Variants in CPD observed in about 807,000 individuals in gnomAD.
The protein encoded by CPD is carboxypeptidase D.
In CPD, 69 loss-of-function variants were observed where a neutral mutation model predicts 138.3. That is an observed-to-expected ratio of 0.50 (90% confidence interval 0.41 to 0.61). The LOEUF (loss-of-function observed/expected upper bound fraction) is 0.61, where lower values mean the gene tolerates loss of function less well. Among genes scored for constraint, CPD ranks in the 20% least tolerant of loss-of-function variants. The pLI is 0.00. For missense variants in CPD, 1,432 were observed against 1,733.3 expected, an observed-to-expected ratio of 0.83 and a Z score of 3.09; for synonymous variants, 651 against 642.1, an observed-to-expected ratio of 1.01 and a Z score of -0.21.
chr17:30,390,142 G>T (rs191056771), intron 2 of CPD, among the ~76,000 whole-genome samples: 151 of 151,796 alleles, frequency 9.9e-4, no homozygotes, highest in African/African-American at 3.5e-3. Context: ...TCAGCCTCTT[G>T]AGCAGCTGGG....
In CPD at chr17:30,423,652, C is replaced by T. The variant is rs766621438; in HGVS notation, c.1804C>T (p.Leu602Phe). The stretch of plus-strand genomic sequence containing the variant: ...TTTGGTTCATAACACTAGAATTCAC[C>T]TTATGCCATCCATGAATCCTGATGG... Reference protein sequence around the residue: ...TDLVHNTRIHLMPSMNPDGYE... With the variant: ...TDLVHNTRIHFMPSMNPDGYE... The change falls in exon 6 of 21, where the codon CTT (leucine) becomes TTT (phenylalanine). Residue 602 changes from leucine to phenylalanine, a missense_variant. Transcript: ENST00000225719. 5.0e-6 allele frequency: 8 copies of T among 1,607,262 alleles called. No individual in the cohort carries two copies. The Admixed American group carries it at 8.5e-5, about 17-fold the overall frequency.
In CPD at chr17:30,461,197, T is replaced by C; in HGVS notation, c.3516T>C (p.Tyr1172=). ...TATTCTAGGATTATAGTGTCACCTA[T>C]GGCCATTGTCCGGAAATCACAGTAT... is the stretch of plus-strand genomic sequence containing the variant. ...LGSMKDYSVT[Y]GHCPEITVYT... The change falls in exon 18 of 21, where the codon TAT becomes TAC. Residue 1172 remains tyrosine (Y), a synonymous_variant. Coordinates refer to ENST00000225719, the MANE Select transcript of CPD (RefSeq NM_001304.5). 1 of 1,602,800 alleles carries C rather than the reference T, an allele frequency of 6.2e-7. No individual in the cohort carries two copies. Among genetic ancestry groups the C allele is most frequent in the South Asian group, 1.1e-5 (1 of 88,626 alleles).
intron 2 of CPD, among the ~76,000 whole-genome samples, chr17:30,418,769 A>G (rs1012333679): frequency 2.6e-5 from 4 of 152,194 alleles, no homozygotes; most frequent in African/African-American, 4.8e-5. Context: ...ATGGATGAAC[A>G]TGAATATAAT....
chr17:30,446,047 T>A (rs1278473024), intron 12 of CPD, 27 bp downstream of exon 12: 1 of 1,526,920 alleles, frequency 6.5e-7, no homozygotes, highest in South Asian at 1.2e-5. Context: ...ATTGTCTTTT[T>A]TTTTTTTTCA....
chr17:30,404,132 A>G (rs1345231866), intron 2 of CPD, among the ~76,000 whole-genome samples: 1 of 152,118 alleles, frequency 6.6e-6, no homozygotes, highest in African/African-American at 2.4e-5. Context: ...AATGTTCTGT[A>G]TTTTTATTGT....
chr17:30,414,569 C>A (rs973306745), intron 2 of CPD, among the ~76,000 whole-genome samples: 3 of 146,404 alleles, frequency 2.0e-5, no homozygotes, highest in Non-Finnish European at 4.5e-5. Context: ...GGTAACAGAG[C>A]GAGACTGTCT....
intron 7 of CPD, among the ~76,000 whole-genome samples, chr17:30,431,454 T>G (rs1006276678): frequency 6.6e-6 from 1 of 152,200 alleles, no homozygotes; most frequent in African/African-American, 2.4e-5. Context: ...TTGATTTTGA[T>G]GGAATCCCGT....
intron 1 of CPD, among the ~76,000 whole-genome samples, chr17:30,382,512 T>C (rs1484876365): frequency 2.6e-5 from 4 of 152,216 alleles, no homozygotes; most frequent in African/African-American, 9.6e-5. Flanking sequence ...CTTACAGCCA[T>C]TGTAGTCACT....
rs1911014239 is a variant in CPD at position 30,380,612 on chromosome 17, A to T, written c.746+886A>T. On this transcript the variant is annotated intron_variant, in intron 1 of 20. Coordinates refer to ENST00000225719, the MANE Select transcript of CPD (RefSeq NM_001304.5). The stretch of plus-strand genomic sequence containing the variant: ...AAGGAGGACCTCAAGAAATTAGTAT[A>T]AAACAAGAGAATGTTATAAATATTT... 3 of 1,515,242 alleles carry T rather than the reference A, an allele frequency of 2.0e-6. No homozygotes were observed. In the East Asian group the frequency reaches 7.4e-5, roughly 37 times the overall value. The allele number at this position is 1,515,242 out of a possible 1,614,324, so 93.9% of individuals were successfully genotyped here.
rs761965041 is a variant in CPD at position 30,469,647 on chromosome 17, GAA to G, written c.*4835_*4836del. 21 of 152,044 alleles carry G rather than the reference GAA, an allele frequency of 1.4e-4. No individual in the cohort carries two copies. Among genetic ancestry groups the G allele is most frequent in the Admixed American group, 6.5e-5 (1 of 15,272 alleles). 9.4% of individuals were successfully genotyped at this position (152,044 alleles called of 1,614,324 possible). On this transcript the variant is annotated 3_prime_UTR_variant, in exon 21 of 21. Transcript: ENST00000225719. ...AAATTCTGAGACACAAATAAAAAAAGAAATTTTTTATTATGTGGTTCAATAGA... is the reference window on the plus strand; with the variant it reads ...AAATTCTGAGACACAAATAAAAAAAGATTTTTTATTATGTGGTTCAATAGA...
At chr17:30,390,530 T>TG (rs1430097766) in intron 2 of CPD, among the ~76,000 whole-genome samples, 2 of 152,178 alleles carry the variant, frequency 1.3e-5, no homozygotes, top group Non-Finnish European at 2.9e-5. Context: ...CTGTATTAGG[T>TG]GATGTACCGG....
chr17:30,465,008 TA>T lies in CPD; in HGVS notation c.*203del, dbSNP rs908139494. 108 of 527,222 alleles carry T rather than the reference TA, an allele frequency of 2.0e-4. No homozygotes were observed. Among genetic ancestry groups the T allele is most frequent in the African/African-American group, 5.6e-4 (29 of 52,060 alleles). 32.7% of individuals were successfully genotyped at this position (527,222 alleles called of 1,614,324 possible). ...CCTTCCTTAAAGTACTCTAAACCTT[TA>T]AAAAAAAATCTGATTTATGCAGCAG... On this transcript the variant is annotated 3_prime_UTR_variant, in exon 21 of 21. Coordinates refer to ENST00000225719, the MANE Select transcript of CPD (RefSeq NM_001304.5).
At chr17:30,398,551 T>A (rs1317693413) in intron 2 of CPD, among the ~76,000 whole-genome samples, 1 of 152,092 alleles carries the variant, frequency 6.6e-6, no homozygotes, top group Non-Finnish European at 1.5e-5. Flanking sequence ...TATCTACAGA[T>A]CAGTGGCTGC....
intron 7 of CPD, 89 bp downstream of exon 7, chr17:30,427,647 T>C: frequency 8.4e-7 from 1 of 1,188,452 alleles, no homozygotes; most frequent in Non-Finnish European, 1.2e-6. Flanking sequence ...GTGTTATGCT[T>C]TCTTAAAATG....
Position 30,379,580 on chromosome 17 carries a change from C to T in CPD, c.600C>T (p.Gly200=). 1 of 1,510,412 alleles carries T rather than the reference C, an allele frequency of 6.6e-7. No homozygotes were observed. The allele number at this position is 1,510,412 out of a possible 1,614,324, so 93.6% of individuals were successfully genotyped here. A position where few individuals can be genotyped will look rare whatever the true frequency, so the allele number is the denominator to read the frequency against. The part of the protein sequence containing the change: ...AREGDCGFGD[G]GPSGASGRDN... Reference sequence around the variant, plus strand: ...AGGGCGACTGTGGCTTCGGCGACGGCGGCCCGTCCGGGGCCAGCGGCCGCG... The same window carrying T: ...AGGGCGACTGTGGCTTCGGCGACGGTGGCCCGTCCGGGGCCAGCGGCCGCG... Residue 200 remains glycine (G), a synonymous_variant, in exon 1 of 21, where the codon GGC becomes GGT. Coordinates refer to ENST00000225719, the MANE Select transcript of CPD (RefSeq NM_001304.5). This position sits in a 1 kb window ranked among gnomAD's most constrained non-coding sequence, Gnocchi z 7.0.
At chr17:30,428,539 C>T (rs1912482288) in intron 7 of CPD, among the ~76,000 whole-genome samples, 1 of 152,162 alleles carries the variant, frequency 6.6e-6, no homozygotes, top group Non-Finnish European at 1.5e-5. Context: ...CATGCTACAA[C>T]ATAGATCCTT....
chr17:30,406,703 T>C (rs941735252), intron 2 of CPD, among the ~76,000 whole-genome samples: 1 of 152,188 alleles, frequency 6.6e-6, no homozygotes, highest in Non-Finnish European at 1.5e-5. Context: ...TCTAGCATAA[T>C]GAAAGTGTGA....
chr17:30,458,051 G>C (rs1597737792), intron 17 of CPD, among the ~76,000 whole-genome samples: 1 of 152,002 alleles, frequency 6.6e-6, no homozygotes, highest in East Asian at 1.9e-4. Context: ...AAAATTAGCT[G>C]GGCGTGGTGG....
chr17:30,421,009 G>A (rs1265892452), intron 3 of CPD, 26 bp downstream of exon 3: 31 of 1,609,106 alleles, frequency 1.9e-5, no homozygotes, highest in Non-Finnish European at 2.5e-5. Context: ...TGGAATGTTG[G>A]GGTATAGAAA....
Sources: gnomAD v4.1 joint callset for allele counts (sites outside exome capture counted in the v4.1 genomes callset) on GRCh38, gnomAD v4.1.1 for gene constraint, Gnocchi (gnomAD v3.1) non-coding constraint, MANE v1.5 for transcripts, NCBI Gene and HGNC (gene_info 2026-07-23, HGNC 2026-07-21) for gene names.